The following POLK variants were observed in gnomAD, a reference collection of about 807,000 sequenced individuals.
POLK encodes DNA polymerase kappa.
Under a neutral mutation model 94.0 loss-of-function variants are expected in POLK, and 76 were observed. The ratio of observed to expected loss-of-function variants is 0.81; its 90% CI spans 0.67 to 0.98. The LOEUF is 0.98. Ranked by LOEUF, POLK falls within the 50% of genes least tolerant of loss-of-function variation. The probability of loss-of-function intolerance (pLI) is 0.00; values close to 1 mark genes in which losing one functional copy is unlikely to be tolerated. For missense variants in POLK, 954 were observed against 1,010.1 expected, an observed-to-expected ratio of 0.94 and a Z score of 0.75; for synonymous variants, 349 against 325.4, an observed-to-expected ratio of 1.07 and a Z score of -0.78.
At chr5:75,578,481 T>A (rs1307121668) in intron 6 of POLK, among the ~76,000 whole-genome samples, 2 of 152,242 alleles carry the variant, frequency 1.3e-5, no homozygotes, top group Non-Finnish European at 2.9e-5. Flanking sequence ...TCATTTATTA[T>A]AATGTCCAAA....
chr5:75,580,620 G>A (rs1217147226), intron 6 of POLK: 4 of 604,238 alleles, frequency 6.6e-6, no homozygotes, highest in Non-Finnish European at 8.3e-6. Flanking sequence ...TATTACAAAT[G>A]TGCCCTTAGT....
chr5:75,568,559 TTCTC>T (rs5744630), intron 3 of POLK: 5,873 of 191,726 alleles, frequency 0.031, 199 homozygotes, highest in South Asian at 0.11. Flanking sequence ...GTTGTTAGTT[TTCTC>T]TGAAGAAACT....
chr5:75,583,221 T>G, intron 7 of POLK, 72 bp from the exon 8 acceptor site: 1 of 1,141,312 alleles, frequency 8.8e-7, no homozygotes, highest in Non-Finnish European at 1.2e-6. Flanking sequence ...TTTTTTTTTC[T>G]GTTTTGTTAT....
At chr5:75,545,117 T>A (rs543542128) in intron 1 of POLK, among the ~76,000 whole-genome samples, 108 of 152,332 alleles carry the variant, frequency 7.1e-4, no homozygotes, top group African/African-American at 2.5e-3. Context: ...GTTTGAGAAC[T>A]ACCATGATGT....
chr5:75,563,230 G>T (rs1771081350), intron 3 of POLK, among the ~76,000 whole-genome samples: 1 of 152,132 alleles, frequency 6.6e-6, no homozygotes, highest in Non-Finnish European at 1.5e-5. Flanking sequence ...CCAAAGTGCT[G>T]GGATTACAGA....
At chr5:75,589,333 T>TA (rs1036089407) in intron 10 of POLK, among the ~76,000 whole-genome samples, 1 of 151,354 alleles carries the variant, frequency 6.6e-6, no homozygotes, top group Non-Finnish European at 1.5e-5. Flanking sequence ...ACTGTTTATA[T>TA]AAAAAATGAG....
At chr5:75,603,602 C>CT (rs1478480322), downstream of POLK, among the ~76,000 whole-genome samples, 1 of 152,056 alleles carries the variant, frequency 6.6e-6, no homozygotes, top group South Asian at 2.1e-4. Flanking sequence ...ATTCCTGAAA[C>CT]TTTAACAGCT....
At chr5:75,584,731 A>G in intron 8 of POLK, 29 bp from the exon 9 acceptor site, 4 of 1,283,942 alleles carry the variant, frequency 3.1e-6, no homozygotes, top group Non-Finnish European at 4.3e-6. Flanking sequence ...TTTAAAATCT[A>G]TTAATAATAA....
chr5:75,573,736 A>G lies in POLK; in HGVS notation c.409-2A>G. On this transcript the variant is annotated splice_acceptor_variant, in intron 4 of 14. Transcript: ENST00000241436. LOFTEE classifies it high-confidence loss of function. Reference sequence around the variant, plus strand: ...TTTTCCATGTGGTCAATTTTCTTTCAGTCTACTTCAAATTACCATGCAAGG... The same window carrying G: ...TTTTCCATGTGGTCAATTTTCTTTCGGTCTACTTCAAATTACCATGCAAGG... 6.2e-7 allele frequency: 1 copy of G among 1,612,086 alleles called. No individual in the cohort carries two copies. The highest frequency in any genetic ancestry group is 8.5e-7 in the Non-Finnish European group (1 of 1,178,334).
chr5:75,608,397 G>A, the POLK span, among the ~76,000 whole-genome samples: 1 of 152,118 alleles, frequency 6.6e-6, no homozygotes, highest in Non-Finnish European at 1.5e-5. Flanking sequence ...GTCTCACTAA[G>A]TTGCCCAGGT....
At chr5:75,579,132 T>C (rs545986953) in intron 6 of POLK, among the ~76,000 whole-genome samples, 2 of 152,310 alleles carry the variant, frequency 1.3e-5, no homozygotes, top group South Asian at 4.1e-4. Flanking sequence ...CATTCTTCAC[T>C]TCCTGCTGTA....
At chr5:75,569,667 C>T (rs1771482766) in intron 4 of POLK, among the ~76,000 whole-genome samples, 175 bp downstream of exon 4, 1 of 152,158 alleles carries the variant, frequency 6.6e-6, no homozygotes, top group African/African-American at 2.4e-5. Flanking sequence ...GCAGGGGACC[C>T]CAACCCCCAG....
At chr5:75,608,387 G>A in the POLK span, among the ~76,000 whole-genome samples, 1 of 152,134 alleles carries the variant, frequency 6.6e-6, no homozygotes, top group Non-Finnish European at 1.5e-5. Flanking sequence ...GGAGACTGGA[G>A]TCTCACTAAG....
At chr5:75,581,222 G>A in exon 7 of POLK, 1 of 1,601,328 alleles carries the variant, frequency 6.2e-7, no homozygotes, top group Middle Eastern at 1.7e-4. Flanking sequence ...ATCCAGGAAA[G>A]GAAGTTAATA....
intron 3 of POLK, among the ~76,000 whole-genome samples, chr5:75,553,773 T>G (rs1770448807): frequency 6.6e-6 from 1 of 152,228 alleles, no homozygotes; most frequent in Non-Finnish European, 1.5e-5. Flanking sequence ...CCATTAATAT[T>G]TCCTTATTAT....
intron 12 of POLK, among the ~76,000 whole-genome samples, chr5:75,595,248 G>GAAAAAAAAAAAA (rs58783164): frequency 0.032 from 801 of 24,870 alleles, 114 homozygotes; most frequent in Non-Finnish European, 0.056. Flanking sequence ...CTCCACCTCA[G>GAAAAAAAAAAAA]AAAAAAAAAA....
intron 1 of POLK, among the ~76,000 whole-genome samples, chr5:75,543,845 T>A (rs1204110866): frequency 6.6e-6 from 1 of 152,096 alleles, no homozygotes; most frequent in African/African-American, 2.4e-5. Flanking sequence ...TTTGGTTTGG[T>A]TTTTTTGAGA....
At chr5:75,535,578 G>A (rs1014807607) in intron 1 of POLK, among the ~76,000 whole-genome samples, 1 of 151,870 alleles carries the variant, frequency 6.6e-6, no homozygotes, top group African/African-American at 2.4e-5. Flanking sequence ...TCTCTTTTAG[G>A]GATGCAAATG....
At chr5:75,583,894 C>T (rs1772326932) in intron 8 of POLK, among the ~76,000 whole-genome samples, 1 of 152,036 alleles carries the variant, frequency 6.6e-6, no homozygotes, top group Non-Finnish European at 1.5e-5. Context: ...TTTTTTAGAG[C>T]TTCTAGATTT....
Sources: gnomAD v4.1 joint callset for allele counts (sites outside exome capture counted in the v4.1 genomes callset) on GRCh38, gnomAD v4.1.1 for gene constraint, MANE v1.5 for transcripts, NCBI Gene and HGNC (gene_info 2026-07-23, HGNC 2026-07-21) for gene names.